Variants in TENM3 observed in about 807,000 individuals in gnomAD.
The protein encoded by TENM3 is teneurin-3.
In TENM3, 63 loss-of-function variants were observed where a neutral mutation model predicts 255.1. The observed-to-expected ratio is 0.25, with a 90% CI of 0.20 to 0.30. The LOEUF is 0.30. Among genes scored for constraint, TENM3 ranks in the 10% least tolerant of loss-of-function variants. The probability of loss-of-function intolerance (pLI) is 1.00; values close to 1 mark genes in which losing one functional copy is unlikely to be tolerated. For missense variants in TENM3, 2,929 were observed against 3,461.1 expected (o/e 0.85, Z 3.86); for synonymous variants, 1,306 against 1,322.3 (o/e 0.99, Z 0.27).
the TENM3 span, among the ~76,000 whole-genome samples, chr4:181,851,344 C>T: frequency 2.0e-5 from 3 of 152,160 alleles, no homozygotes; most frequent in Admixed American, 1.3e-4. Flanking sequence ...CTCCATGTCC[C>T]AAAGTCGGAG....
At chr4:182,794,779 T>C (rs1766370040) in intron 26 of TENM3, among the ~76,000 whole-genome samples, 1 of 152,160 alleles carries the variant, frequency 6.6e-6, no homozygotes, top group African/African-American at 2.4e-5. Flanking sequence ...ACAGACAAGG[T>C]CCTTGCAAGC....
intron 19 of TENM3, among the ~76,000 whole-genome samples, chr4:182,750,328 A>G (rs1032702003): frequency 5.3e-5 from 8 of 152,176 alleles, no homozygotes; most frequent in Admixed American, 5.2e-4. Context: ...GCTGAAGGAC[A>G]TACAAAGCTC....
At chr4:182,328,822 G>A (rs924514181) in intron 2 of TENM3, among the ~76,000 whole-genome samples, 2 of 152,212 alleles carry the variant, frequency 1.3e-5, no homozygotes, top group South Asian at 2.1e-4. Flanking sequence ...CTGGTTCAAG[G>A]CCAGTTCAAG....
chr4:182,457,940 C>T (rs1172324502), intron 3 of TENM3, among the ~76,000 whole-genome samples: 2 of 152,254 alleles, frequency 1.3e-5, no homozygotes, highest in South Asian at 2.1e-4. Context: ...CTAAATTTTG[C>T]TTTACATGTA....
intron 1 of TENM3, among the ~76,000 whole-genome samples, chr4:182,165,212 A>G (rs959078500): frequency 2.0e-5 from 3 of 152,184 alleles, no homozygotes; most frequent in African/African-American, 4.8e-5. Context: ...CTCAGGACTT[A>G]CTAGTAGGTA....
At chr4:181,974,499 A>G in the TENM3 span, among the ~76,000 whole-genome samples, 1 of 151,938 alleles carries the variant, frequency 6.6e-6, no homozygotes, top group Non-Finnish European at 1.5e-5. Flanking sequence ...ACCCAGGAGG[A>G]GGAGGTTGCA....
intron 1 of TENM3, among the ~76,000 whole-genome samples, chr4:182,188,876 G>A (rs994607899): frequency 4.6e-5 from 7 of 152,060 alleles, no homozygotes; most frequent in East Asian, 3.9e-4. Context: ...TGCTTGTCAC[G>A]TGCCTCTCTG....
the TENM3 span, among the ~76,000 whole-genome samples, chr4:181,689,069 A>C: frequency 6.6e-6 from 1 of 152,224 alleles, no homozygotes; most frequent in Admixed American, 6.5e-5. Flanking sequence ...TTCATAGAGC[A>C]GTAGGCTGGT....
chr4:181,930,469 A>G, the TENM3 span, among the ~76,000 whole-genome samples: 1 of 152,206 alleles, frequency 6.6e-6, no homozygotes. Context: ...TAAACCAGGA[A>G]GAAGTCTAAT....
intron 3 of TENM3, among the ~76,000 whole-genome samples, chr4:182,426,793 C>G (rs186354001): frequency 6.6e-6 from 1 of 151,990 alleles, no homozygotes; most frequent in South Asian, 2.1e-4. Context: ...AATACTTTGA[C>G]GAGTATAATT....
Position 182,719,806 on chromosome 4 carries a change from A to G in TENM3, c.2368+5573A>G, listed in dbSNP as rs4333226. On this transcript the variant is annotated intron_variant, in intron 13 of 27. Coordinates refer to ENST00000511685, the MANE Select transcript of TENM3 (RefSeq NM_001080477.4). ...CTGGGTGCAGTGGCTCATACCTGTA[A>G]TCCTATCATTTAGGGAGGCTGAGGC... Among the ~76,000 whole-genome samples, 1,131 of 152,240 alleles carry G rather than the reference A, an allele frequency of 7.4e-3. 25 individuals carry two copies. Among genetic ancestry groups the G allele is most frequent in the Admixed American group, 0.046 (698 of 15,284 alleles).
intron 1 of TENM3, among the ~76,000 whole-genome samples, chr4:182,210,012 G>C (rs903298413): frequency 6.6e-6 from 1 of 152,052 alleles, no homozygotes; most frequent in African/African-American, 2.4e-5. Flanking sequence ...ACAACCTCCA[G>C]CCCTCCCCAG....
chr4:182,029,779 T>C, the TENM3 span, among the ~76,000 whole-genome samples: 6 of 152,102 alleles, frequency 3.9e-5, no homozygotes, highest in Non-Finnish European at 5.9e-5. Flanking sequence ...AAAAATAAAA[T>C]AAATTGAAAT....
chr4:182,504,323 CATTCTTAACTACAA>C (rs776262343), intron 3 of TENM3, among the ~76,000 whole-genome samples: 159 of 152,170 alleles, frequency 1.0e-3, no homozygotes, highest in Middle Eastern at 0.01. Context: ...TCAAATTAGC[CATTCTTAACTACAA>C]ATCTGACTTC....
chr4:181,701,309 C>T, the TENM3 span, among the ~76,000 whole-genome samples: 1 of 152,196 alleles, frequency 6.6e-6, no homozygotes. Context: ...ATTCGCAACA[C>T]TCAGTGCAGT....
intron 5 of TENM3, among the ~76,000 whole-genome samples, chr4:182,651,986 C>A (rs937574871): frequency 1.3e-5 from 2 of 152,188 alleles, no homozygotes; most frequent in African/African-American, 4.8e-5. Context: ...TATAGTAAAG[C>A]AGTCATTCAT....
the TENM3 span, among the ~76,000 whole-genome samples, chr4:181,649,335 G>A: frequency 5.9e-5 from 9 of 152,326 alleles, no homozygotes; most frequent in East Asian, 1.5e-3. Flanking sequence ...ATCAATACCG[G>A]TATGAGGCAT....
chr4:181,651,542 C>T, the TENM3 span, among the ~76,000 whole-genome samples: 2 of 151,330 alleles, frequency 1.3e-5, no homozygotes, highest in East Asian at 1.9e-4. Flanking sequence ...GAGCTGAGAT[C>T]ACGCCACTGC....
the TENM3 span, among the ~76,000 whole-genome samples, chr4:181,524,980 C>T: frequency 2.0e-5 from 3 of 152,296 alleles, no homozygotes; most frequent in Middle Eastern, 6.8e-3. Flanking sequence ...TCCCTAACAC[C>T]AGATGATTAG....
Sources: gnomAD v4.1 joint callset for allele counts (sites outside exome capture counted in the v4.1 genomes callset) on GRCh38, gnomAD v4.1.1 for gene constraint, MANE v1.5 for transcripts, NCBI Gene and HGNC (gene_info 2026-07-23, HGNC 2026-07-21) for gene names.